The following FNIP2 variants were observed in gnomAD, a reference collection of about 807,000 sequenced individuals.
The protein encoded by FNIP2 is folliculin interacting protein 2, also known as folliculin-interacting protein 2.
Under a neutral mutation model 108.7 loss-of-function variants are expected in FNIP2, and 32 were observed. That is an observed-to-expected ratio of 0.29 (90% confidence interval 0.22 to 0.40). FNIP2 has a LOEUF of 0.40. Among genes scored for constraint, FNIP2 ranks in the 10% least tolerant of loss-of-function variants. The pLI, the probability that FNIP2 is intolerant of heterozygous loss-of-function variation, is 1.00. For synonymous variants in FNIP2, 480 were observed against 496.7 expected, an observed-to-expected ratio of 0.97 and a Z score of 0.45; for missense variants, 1,202 against 1,381.6, an observed-to-expected ratio of 0.87 and a Z score of 2.06.
chr4:158,824,334 T>C (rs1185645848), intron 1 of FNIP2, among the ~76,000 whole-genome samples: 1 of 152,224 alleles, frequency 6.6e-6, no homozygotes, highest in Admixed American at 6.5e-5. Context: ...ATGTGTCTTA[T>C]TTCATTTATA....
In FNIP2 at chr4:158,879,256, GAGA is replaced by G. The variant is rs1365699552; in HGVS notation, c.2949+8794_2949+8796del. On this transcript the variant is annotated intron_variant, in intron 14 of 16. Coordinates refer to ENST00000264433, the MANE Select transcript of FNIP2 (RefSeq NM_020840.3). Reference sequence around the variant, plus strand: ...AAGAAAACTCTTAGAAGTAGCTAGAGAGAAGAAGACATGGCATCTGTCCTCAGG... The same window carrying G: ...AAGAAAACTCTTAGAAGTAGCTAGAGAGAAGACATGGCATCTGTCCTCAGG... Among the ~76,000 whole-genome samples, 3 of 150,748 alleles carry G rather than the reference GAGA, an allele frequency of 2.0e-5. 1 individual carries two copies. The highest frequency in any genetic ancestry group is 3.9e-4 in the East Asian group (2 of 5,144).
intron 7 of FNIP2, among the ~76,000 whole-genome samples, chr4:158,836,900 A>G (rs1310095028): frequency 6.6e-6 from 1 of 151,892 alleles, no homozygotes; most frequent in Non-Finnish European, 1.5e-5. Flanking sequence ...GTCTGAGAAG[A>G]TAAAGGGAAA....
intron 1 of FNIP2, among the ~76,000 whole-genome samples, chr4:158,781,015 A>G (rs1381132476): frequency 1.4e-5 from 2 of 146,784 alleles, no homozygotes; most frequent in Admixed American, 7.0e-5. Flanking sequence ...AGTCTCAGCA[A>G]CAGAGGGAGA....
chr4:158,884,055 G>C (rs1372615449), intron 14 of FNIP2, among the ~76,000 whole-genome samples: 1 of 150,888 alleles, frequency 6.6e-6, no homozygotes, highest in Non-Finnish European at 1.5e-5. Context: ...AAGTAGTTAT[G>C]GGAAGCATAT....
At chr4:158,864,771 T>TTC (rs1415095084) in intron 12 of FNIP2, among the ~76,000 whole-genome samples, 7 of 152,116 alleles carry the variant, frequency 4.6e-5, no homozygotes, top group African/African-American at 1.7e-4. Flanking sequence ...TGTTTTCTTT[T>TTC]TCTCTACATG....
chr4:158,806,750 A>G (rs1400497416), intron 1 of FNIP2, among the ~76,000 whole-genome samples: 1 of 152,110 alleles, frequency 6.6e-6, no homozygotes, highest in Non-Finnish European at 1.5e-5. Flanking sequence ...AATTATCAGG[A>G]AAAAAAGGTG....
intron 8 of FNIP2, among the ~76,000 whole-genome samples, chr4:158,857,210 C>T (rs1055832634): frequency 6.6e-6 from 1 of 152,140 alleles, no homozygotes; most frequent in Non-Finnish European, 1.5e-5. Context: ...CTGATACAGT[C>T]ATTTTACTTT....
intron 1 of FNIP2, among the ~76,000 whole-genome samples, chr4:158,772,805 G>A (rs1023757034): frequency 4.6e-5 from 7 of 152,216 alleles, no homozygotes; most frequent in African/African-American, 1.7e-4. Context: ...CTCACCTACT[G>A]GAGTTTACAA....
At chr4:158,811,819 G>A (rs1777291392) in intron 1 of FNIP2, among the ~76,000 whole-genome samples, 1 of 152,194 alleles carries the variant, frequency 6.6e-6, no homozygotes, top group Non-Finnish European at 1.5e-5. Flanking sequence ...GAAATATAAA[G>A]GCTGGGCCTT....
rs1324847263 is a variant in FNIP2, at chr4:158,904,783, C to G, written c.*239C>G. 7 of 482,130 alleles carry G rather than the reference C, an allele frequency of 1.5e-5. No individual in the cohort carries two copies. The highest frequency in any genetic ancestry group is 3.3e-5 in the Admixed American group (1 of 30,004). 29.9% of individuals were successfully genotyped at this position (482,130 alleles called of 1,614,324 possible). Reference sequence around the variant, plus strand: ...TTTAGGCCATTTGTTACCCATGAATCAACAAAGAAACTGACCTTTTTGGTA... The same window carrying G: ...TTTAGGCCATTTGTTACCCATGAATGAACAAAGAAACTGACCTTTTTGGTA... On this transcript the variant is annotated 3_prime_UTR_variant, in exon 17 of 17. Coordinates refer to ENST00000264433, the MANE Select transcript of FNIP2 (RefSeq NM_020840.3).
intron 7 of FNIP2, among the ~76,000 whole-genome samples, chr4:158,844,606 C>CT (rs1181103429): frequency 1.3e-5 from 2 of 152,186 alleles, no homozygotes; most frequent in Non-Finnish European, 2.9e-5. Context: ...GTGTAAGTCT[C>CT]TTAAGGGCAA....
chr4:158,871,508 G>C, intron 14 of FNIP2: 1 of 985,322 alleles, frequency 1.0e-6, no homozygotes, highest in Non-Finnish European at 1.2e-6. Flanking sequence ...AACAGGCTAA[G>C]TATATTTATG....
In FNIP2 at chr4:158,859,217, T is replaced by G. The variant is rs762588110; in HGVS notation, c.1018T>G (p.Phe340Val). The change falls in exon 9 of 17, where the codon TTT (phenylalanine) becomes GTT (valine). Residue 340 changes from phenylalanine (F) to valine (V), a missense_variant. Phe to Val is a conservative substitution (Grantham distance 50, BLOSUM62 -1). Around this residue, in one of 5 missense-constraint regions of FNIP2, gnomAD observed 878 missense variants for 990.3 expected, o/e 0.89. Transcript: ENST00000264433. ...QDFFFSHFPL[F>V]ESHMNRLKSA... ...CTTCTTCTTTTCTCATTTTCCCCTG[T>G]TTGAATCTCACATGAACAGGCTGAA... The G allele has an allele frequency of 6.2e-7, 1 of 1,612,008 alleles. No homozygotes were observed. Among genetic ancestry groups the G allele is most frequent in the South Asian group, 1.1e-5 (1 of 90,656 alleles).
chr4:158,830,529 T>G (rs1222730867), intron 3 of FNIP2, among the ~76,000 whole-genome samples: 1 of 152,248 alleles, frequency 6.6e-6, no homozygotes, highest in African/African-American at 2.4e-5. Flanking sequence ...CCCAAAGTGC[T>G]GGGATCACAG....
chr4:158,807,869 G>A (rs1319567238), intron 1 of FNIP2, among the ~76,000 whole-genome samples: 4 of 152,324 alleles, frequency 2.6e-5, no homozygotes, highest in South Asian at 2.1e-4. Context: ...TTGTAGAGGA[G>A]GAGGTAATGA....
At chr4:158,796,634 T>C (rs896075882) in intron 1 of FNIP2, among the ~76,000 whole-genome samples, 2 of 152,242 alleles carry the variant, frequency 1.3e-5, no homozygotes, top group East Asian at 3.8e-4. Context: ...GCAACTCAAA[T>C]AGGACAGTGA....
chr4:158,898,388 G>T (rs1295005986), intron 16 of FNIP2, among the ~76,000 whole-genome samples: 1 of 152,130 alleles, frequency 6.6e-6, no homozygotes, highest in Admixed American at 6.5e-5. Flanking sequence ...ATCCATGGGA[G>T]CTTGATGGGG....
intron 12 of FNIP2, among the ~76,000 whole-genome samples, chr4:158,867,455 G>C (rs6825611): frequency 0.51 from 78,114 of 152,110 alleles, 21,949 homozygotes; most frequent in East Asian, 0.86. Flanking sequence ...GCCTCCCAAA[G>C]TGCTGATATT....
At chr4:158,802,944 G>A (rs929024188) in intron 1 of FNIP2, among the ~76,000 whole-genome samples, 5 of 152,220 alleles carry the variant, frequency 3.3e-5, no homozygotes, top group Non-Finnish European at 5.9e-5. Flanking sequence ...ATTGGAAACA[G>A]TACAAATAGC....
Sources: allele counts gnomAD v4.1 joint callset (sites outside exome capture counted in the v4.1 genomes callset), GRCh38; gene constraint gnomAD v4.1.1; regional missense constraint gnomAD v4.1.1; transcripts MANE v1.5; gene names NCBI Gene and HGNC (gene_info 2026-07-23, HGNC 2026-07-21).